LRBA: variants seen among roughly 807,000 people sequenced by gnomAD.
LRBA encodes the protein LPS responsive beige-like anchor protein.
Under a neutral mutation model 330.0 loss-of-function variants are expected in LRBA, and 176 were observed. The ratio of observed to expected loss-of-function variants is 0.53; its 90% CI spans 0.47 to 0.60. The LOEUF (loss-of-function observed/expected upper bound fraction) is 0.60. LRBA is among the 20% of genes least tolerant of loss of function. LRBA has a pLI of 0.00. For synonymous variants in LRBA, 1,230 were observed against 1,193.0 expected, an observed-to-expected ratio of 1.03 and a Z score of -0.64; for missense variants, 3,259 against 3,444.8, an observed-to-expected ratio of 0.95 and a Z score of 1.35.
At chr4:150,537,512 C>T (rs1379024308) in intron 40 of LRBA, among the ~76,000 whole-genome samples, 1 of 152,174 alleles carries the variant, frequency 6.6e-6, no homozygotes, top group Non-Finnish European at 1.5e-5. Flanking sequence ...AGCTTCTGCA[C>T]ACCAAAAGAA....
At position 150,817,220 on chromosome 4, in the gene LRBA, GTGAGACTGC is replaced by G; in HGVS notation, c.5200_5208del (p.Ala1734_Ser1736del). ...GGTATGCTTGTATTAAAGGTGGAAGGTGAGACTGCTGACTTTTTTGCTGCAACAATGACA... is the reference window on the plus strand; with the variant it reads ...GGTATGCTTGTATTAAAGGTGGAAGGTGACTTTTTTGCTGCAACAATGACA... On this transcript the variant is annotated inframe_deletion, in exon 31 of 57. Transcript: ENST00000651943. The G allele has an allele frequency of 6.2e-7, 1 of 1,612,248 alleles. No individual in the cohort carries two copies. Among genetic ancestry groups the G allele is most frequent in the Non-Finnish European group, 8.5e-7 (1 of 1,178,718 alleles).
chr4:150,590,026 C>A (rs1462185537), intron 39 of LRBA, among the ~76,000 whole-genome samples: 2 of 152,106 alleles, frequency 1.3e-5, no homozygotes, highest in African/African-American at 4.8e-5. Flanking sequence ...TTAAAATTAT[C>A]AAAATGGAAT....
At position 150,606,142 on chromosome 4, in the gene LRBA, G is replaced by A. The variant is rs1479541770; in HGVS notation, c.5922-7011C>T. Reference sequence around the variant, plus strand: ...ATTAGTTTGGACATTTGGCAACCAAGTTAATTATTCAAGAAATGATCCCAA... The same window carrying A: ...ATTAGTTTGGACATTTGGCAACCAAATTAATTATTCAAGAAATGATCCCAA... On this transcript the variant is annotated intron_variant, in intron 37 of 56. Transcript: ENST00000651943. 2.0e-5 allele frequency among the ~76,000 whole-genome samples: 3 copies of A among 152,088 alleles called. No individual in the cohort carries two copies. The East Asian group carries it at 5.8e-4, about 29-fold the overall frequency.
chr4:150,484,882 C>A (rs1757694486), intron 42 of LRBA, among the ~76,000 whole-genome samples: 2 of 151,752 alleles, frequency 1.3e-5, no homozygotes, highest in African/African-American at 4.8e-5. Context: ...TCTAATATCT[C>A]TTCTAATTTC....
In LRBA at chr4:150,598,998, T is replaced by A; in HGVS notation, c.6046+9A>T. 1 of 1,614,006 alleles carries A rather than the reference T, an allele frequency of 6.2e-7. No homozygotes were observed. Among genetic ancestry groups the A allele is most frequent in the Non-Finnish European group, 8.5e-7 (1 of 1,179,894 alleles). ...GCTGCTATTGGCAAGGAATGGTTTA[T>A]ACACTGACCATGTTCCACGGCTGTT... On this transcript the variant is annotated intron_variant, in intron 38 of 56. Transcript: ENST00000651943.
chr4:150,354,689 A>T (rs1156384375), intron 47 of LRBA, among the ~76,000 whole-genome samples: 1 of 152,110 alleles, frequency 6.6e-6, no homozygotes, highest in Non-Finnish European at 1.5e-5. Flanking sequence ...GGGGACTCAT[A>T]TTAGTGTTGA....
At chr4:150,501,674 G>A (rs1448871446) in intron 40 of LRBA, among the ~76,000 whole-genome samples, 2 of 151,826 alleles carry the variant, frequency 1.3e-5, no homozygotes, top group Non-Finnish European at 2.9e-5. Flanking sequence ...AAAACAAAAG[G>A]GGGAAGAAGA....
intron 44 of LRBA, among the ~76,000 whole-genome samples, chr4:150,451,635 C>A (rs766506668): frequency 8.6e-5 from 13 of 151,916 alleles, no homozygotes; most frequent in Non-Finnish European, 1.6e-4. Context: ...AAAGTTTGCA[C>A]CTTAAGTTAC....
At position 150,396,957 on chromosome 4, in the gene LRBA, A is replaced by G. The variant is rs560344113; in HGVS notation, c.7194+18481T>C. On this transcript the variant is annotated intron_variant, in intron 47 of 56. Transcript: ENST00000651943. ...CACTTGTTCCCACTTTCAAAACACA[A>G]TTTACTATTTATTTCCATTATTAAA... is the stretch of plus-strand genomic sequence containing the variant. 4.6e-5 allele frequency among the ~76,000 whole-genome samples: 7 copies of G among 152,274 alleles called. No homozygotes were observed. The South Asian group carries it at 1.5e-3, about 32-fold the overall frequency.
intron 44 of LRBA, among the ~76,000 whole-genome samples, chr4:150,445,453 C>T (rs1421688593): frequency 2.0e-5 from 3 of 146,520 alleles, no homozygotes; most frequent in Admixed American, 1.4e-4. Flanking sequence ...TTTTGCTCAA[C>T]GCTGAGTTGG....
chr4:150,916,588 T>A (rs1251397857), intron 6 of LRBA, 29 bp downstream of exon 6: 1 of 1,604,478 alleles, frequency 6.2e-7, no homozygotes, highest in African/African-American at 1.3e-5. Context: ...AGTAAGGTTT[T>A]AACACTAATC....
At chr4:150,954,308 G>A (rs375272636) in intron 2 of LRBA, among the ~76,000 whole-genome samples, 24 of 152,170 alleles carry the variant, frequency 1.6e-4, no homozygotes, top group South Asian at 1.4e-3. Flanking sequence ...TGACGATGGC[G>A]GTTTTGTCAA....
chr4:150,472,679 C>T (rs1288040366), intron 42 of LRBA, among the ~76,000 whole-genome samples: 7 of 152,084 alleles, frequency 4.6e-5, no homozygotes, highest in Non-Finnish European at 8.8e-5. Flanking sequence ...AACTAGCAAT[C>T]TACTCTGTGT....
At chr4:150,777,215 T>A (rs1737503395) in intron 34 of LRBA, among the ~76,000 whole-genome samples, 1 of 152,036 alleles carries the variant, frequency 6.6e-6, no homozygotes, top group South Asian at 2.1e-4. Context: ...TGCCTTGGCC[T>A]CCCAAAGTGT....
rs373604192 is a variant in LRBA at position 150,453,007 on chromosome 4, G to T, written c.6780+14666C>A. Among the ~76,000 whole-genome samples the T allele has an allele frequency of 7.9e-5, 12 of 152,200 alleles. No homozygotes were observed. The East Asian group carries it at 1.9e-3, about 24-fold the overall frequency. ...AATTAACAAGATATGTGTAAGAATT[G>T]TATGCTAAAAGCTATGGAACATTTG... On this transcript the variant is annotated intron_variant, in intron 44 of 56. Coordinates refer to ENST00000651943, the MANE Select transcript of LRBA (RefSeq NM_001364905.1).
At chr4:150,557,976 C>T (rs1247223795) in intron 40 of LRBA, among the ~76,000 whole-genome samples, 2 of 152,160 alleles carry the variant, frequency 1.3e-5, no homozygotes, top group African/African-American at 4.8e-5. Flanking sequence ...TGGCTCACTG[C>T]AACCTCCACC....
At chr4:150,451,344 C>T (rs1192837922) in intron 44 of LRBA, among the ~76,000 whole-genome samples, 1 of 152,112 alleles carries the variant, frequency 6.6e-6, no homozygotes, top group Non-Finnish European at 1.5e-5. Flanking sequence ...GAACTGAAAT[C>T]ATACAGCGTA....
chr4:150,635,394 A>G (rs1409108495), intron 37 of LRBA, among the ~76,000 whole-genome samples: 1 of 152,220 alleles, frequency 6.6e-6, no homozygotes, highest in Non-Finnish European at 1.5e-5. Context: ...TATTAAAAAC[A>G]GTATCCTATT....
chr4:150,370,014 C>T (rs1464411045), intron 47 of LRBA, among the ~76,000 whole-genome samples: 1 of 152,190 alleles, frequency 6.6e-6, no homozygotes, highest in African/African-American at 2.4e-5. Flanking sequence ...CTAGCCTCTT[C>T]TAGTTTAACT....
Sources: gnomAD v4.1 joint callset for allele counts (sites outside exome capture counted in the v4.1 genomes callset) on GRCh38, gnomAD v4.1.1 for gene constraint, MANE v1.5 for transcripts, NCBI Gene and HGNC (gene_info 2026-07-23, HGNC 2026-07-21) for gene names.